Variants in RBMS3 observed in about 807,000 individuals in gnomAD.
RBMS3 encodes RNA binding motif single stranded interacting protein 3.
In RBMS3, 27 loss-of-function variants were observed where a neutral mutation model predicts 66.8. The ratio of observed to expected loss-of-function variants is 0.40; its 90% CI spans 0.30 to 0.56. RBMS3 has a LOEUF of 0.56. Among genes scored for constraint, RBMS3 ranks in the 20% least tolerant of loss-of-function variants. The pLI, the probability that RBMS3 is intolerant of heterozygous loss-of-function variation, is 0.40. For missense variants in RBMS3, 513 were observed against 549.5 expected (o/e 0.93, Z 0.66); for synonymous variants, 188 against 183.0 (o/e 1.03, Z -0.22).
At chr3:29,862,415 CA>C (rs1433342529) in intron 6 of RBMS3, among the ~76,000 whole-genome samples, 1 of 152,136 alleles carries the variant, frequency 6.6e-6, no homozygotes, top group African/African-American at 2.4e-5. Flanking sequence ...ATACACACGG[CA>C]AACTTCACTC....
At chr3:29,515,450 A>G (rs1407753792) in intron 3 of RBMS3, among the ~76,000 whole-genome samples, 2 of 152,238 alleles carry the variant, frequency 1.3e-5, no homozygotes, top group Non-Finnish European at 2.9e-5. Context: ...GTTTATAGGC[A>G]GAAGAAATAA....
intron 4 of RBMS3, among the ~76,000 whole-genome samples, chr3:29,646,612 G>GTT (rs11457821): frequency 1.4e-5 from 2 of 147,054 alleles, no homozygotes; most frequent in African/African-American, 2.5e-5. Flanking sequence ...CAATTTTTAT[G>GTT]TTTTTTTTTC....
chr3:29,645,269 G>A (rs111961592), intron 4 of RBMS3, among the ~76,000 whole-genome samples: 490 of 152,250 alleles, frequency 3.2e-3, no homozygotes, highest in Non-Finnish European at 6.2e-3. Flanking sequence ...TGAATTACTC[G>A]AGTGATTGTG....
chr3:29,759,512 C>G (rs2055569732), intron 5 of RBMS3, among the ~76,000 whole-genome samples: 1 of 152,100 alleles, frequency 6.6e-6, no homozygotes, highest in Admixed American at 6.5e-5. Context: ...AGTGGCCCAT[C>G]TGAAAGGGAC....
intron 1 of RBMS3, among the ~76,000 whole-genome samples, chr3:29,432,786 A>G (rs1402288043): frequency 1.3e-5 from 2 of 152,322 alleles, no homozygotes; most frequent in African/African-American, 4.8e-5. Context: ...AATCAGAAGG[A>G]TGGATTAGAG....
intron 3 of RBMS3, among the ~76,000 whole-genome samples, chr3:29,547,381 A>G (rs1398069436): frequency 2.6e-5 from 4 of 152,178 alleles, no homozygotes; most frequent in Non-Finnish European, 2.9e-5. Flanking sequence ...CATTGTAGGT[A>G]GTAACTTGCT....
intron 6 of RBMS3, among the ~76,000 whole-genome samples, chr3:29,836,238 G>C (rs116687523): frequency 0.014 from 2,127 of 152,114 alleles, 45 homozygotes; most frequent in African/African-American, 0.048. Context: ...AAATTAAAGA[G>C]GATGATGTAT....
chr3:29,936,217 T>G, intron 11 of RBMS3, 21 bp downstream of exon 11: 1 of 1,602,624 alleles, frequency 6.2e-7, no homozygotes, highest in Admixed American at 1.7e-5. Flanking sequence ...GAGATTGTTT[T>G]GTTTCCTTGA....
chr3:29,972,037 T>C (rs1697262724), intron 12 of RBMS3, among the ~76,000 whole-genome samples: 4 of 151,918 alleles, frequency 2.6e-5, no homozygotes, highest in Admixed American at 2.6e-4. Context: ...TGAATGGGAG[T>C]GGAATAAAAT....
At chr3:29,640,896 C>G (rs547973788) in intron 4 of RBMS3, among the ~76,000 whole-genome samples, 9 of 152,012 alleles carry the variant, frequency 5.9e-5, no homozygotes, top group African/African-American at 2.2e-4. Context: ...GCTGTGTTTA[C>G]CCATCTTTAA....
chr3:29,421,930 AC>A (rs2040755511), intron 1 of RBMS3, among the ~76,000 whole-genome samples: 1 of 152,212 alleles, frequency 6.6e-6, no homozygotes, highest in Non-Finnish European at 1.5e-5. Flanking sequence ...AACCAAAAGA[AC>A]GTTACTGTTC....
chr3:29,350,376 T>C (rs778160562), intron 1 of RBMS3, among the ~76,000 whole-genome samples: 5 of 152,184 alleles, frequency 3.3e-5, no homozygotes, highest in African/African-American at 9.7e-5. Flanking sequence ...TGCCAATATA[T>C]GTAAAATTTG....
intron 6 of RBMS3, among the ~76,000 whole-genome samples, chr3:29,804,455 A>T (rs1330650342): frequency 6.6e-6 from 1 of 152,050 alleles, no homozygotes; most frequent in East Asian, 1.9e-4. Flanking sequence ...GAGCTTGGCA[A>T]ATGGCAAAAA....
At chr3:29,767,615 T>C (rs1177764709) in intron 6 of RBMS3, 5 of 152,018 alleles carry the variant, frequency 3.3e-5, no homozygotes, top group Admixed American at 6.6e-5. Flanking sequence ...TGTGTGTTGA[T>C]GTAAATAACA....
chr3:29,339,995 C>G (rs930309942), intron 1 of RBMS3, among the ~76,000 whole-genome samples: 1 of 152,024 alleles, frequency 6.6e-6, no homozygotes, highest in Non-Finnish European at 1.5e-5. Context: ...TGCAAAAACA[C>G]CAAGTTGGGG....
intron 1 of RBMS3, among the ~76,000 whole-genome samples, chr3:29,400,500 G>A (rs2039758134): frequency 6.6e-6 from 1 of 151,918 alleles, no homozygotes; most frequent in African/African-American, 2.4e-5. Context: ...ATGGATGGTG[G>A]TAGTGATTGT....
intron 5 of RBMS3, 143 bp from the exon 6 acceptor site, chr3:29,762,767 G>T: frequency 1.5e-6 from 1 of 646,436 alleles, no homozygotes; most frequent in Non-Finnish European, 2.8e-6. Context: ...TATCAATCTG[G>T]TCATCATGTT....
At chr3:29,534,908 G>A (rs1026477353) in intron 3 of RBMS3, among the ~76,000 whole-genome samples, 1 of 151,556 alleles carries the variant, frequency 6.6e-6, no homozygotes. Context: ...ATTAAATGGA[G>A]TAATTTGAAG....
chr3:29,723,685 CT>C (rs1265663255), intron 4 of RBMS3, among the ~76,000 whole-genome samples: 1 of 152,042 alleles, frequency 6.6e-6, no homozygotes, highest in African/African-American at 2.4e-5. Context: ...CCAGTTCTGC[CT>C]TAGTGATTCA....
Sources: allele counts gnomAD v4.1 joint callset (sites outside exome capture counted in the v4.1 genomes callset), GRCh38; gene constraint gnomAD v4.1.1; transcripts MANE v1.5; gene names NCBI Gene and HGNC (gene_info 2026-07-23, HGNC 2026-07-21).